Variants in FGF10 observed in about 807,000 individuals in gnomAD.
FGF10 encodes the protein fibroblast growth factor 10, also known as FGF-10.
Under a neutral mutation model 19.8 loss-of-function variants are expected in FGF10, and 2 were observed. The ratio of observed to expected loss-of-function variants is 0.10; its 90% confidence interval spans 0.04 to 0.32. The LOEUF is 0.32. Ranked by LOEUF, FGF10 falls within the 10% of genes least tolerant of loss-of-function variation. FGF10 has a pLI of 1.00. For synonymous variants in FGF10, 112 were observed against 94.0 expected, an observed-to-expected ratio of 1.19 and a Z score of -1.10; for missense variants, 191 against 246.3, an observed-to-expected ratio of 0.78 and a Z score of 1.50.
chr5:44,345,725 C>T (rs190694363), intron 1 of FGF10, among the ~76,000 whole-genome samples: 13 of 151,732 alleles, frequency 8.6e-5, no homozygotes, highest in African/African-American at 2.2e-4. Context: ...CATCTTACCC[C>T]TCCTTGCATG....
chr5:44,330,787 C>T (rs113901202), intron 1 of FGF10, among the ~76,000 whole-genome samples: 2,631 of 152,218 alleles, frequency 0.017, 49 homozygotes, highest in South Asian at 0.082. Flanking sequence ...TATAAAGCCT[C>T]ATCTGTCTCT....
At chr5:44,387,742 C>T (rs1249529065) in intron 1 of FGF10, among the ~76,000 whole-genome samples, 1 of 143,920 alleles carries the variant, frequency 6.9e-6, no homozygotes, top group Non-Finnish European at 1.5e-5. Context: ...ATAAGGGACC[C>T]AAAACAAAAC....
intron 1 of FGF10, among the ~76,000 whole-genome samples, chr5:44,325,921 A>T (rs1394534941): frequency 2.6e-5 from 4 of 152,210 alleles, no homozygotes; most frequent in East Asian, 1.9e-4. Context: ...CTATATTTCA[A>T]CAAAATAGAC....
At chr5:44,375,677 C>T (rs1425848375) in intron 1 of FGF10, among the ~76,000 whole-genome samples, 1 of 151,980 alleles carries the variant, frequency 6.6e-6, no homozygotes, top group Non-Finnish European at 1.5e-5. Flanking sequence ...TGGATTTGTG[C>T]CTTACATAGA....
At position 44,301,819 on chromosome 5, in the gene FGF10, G is replaced by A. The variant is rs901515668; in HGVS notation, c.*3176C>T. The stretch of plus-strand genomic sequence containing the variant: ...GAGCTTCTCTCTTTATTACCAGGTA[G>A]AGTTTCTGACTAATAAAACAAACAA... On this transcript the variant is annotated 3_prime_UTR_variant, in exon 3 of 3. Transcript: ENST00000264664. 5.3e-5 allele frequency among the ~76,000 whole-genome samples: 8 copies of A among 152,070 alleles called. No individual in the cohort carries two copies. The highest frequency in any genetic ancestry group is 7.4e-5 in the Non-Finnish European group (5 of 68,008).
chr5:44,309,323 A>G (rs1467381840), intron 2 of FGF10, among the ~76,000 whole-genome samples: 1 of 152,172 alleles, frequency 6.6e-6, no homozygotes, highest in African/African-American at 2.4e-5. Context: ...GAGGGACACA[A>G]TAAGATGGAT....
intron 1 of FGF10, among the ~76,000 whole-genome samples, chr5:44,380,716 C>T (rs1209144619): frequency 1.3e-5 from 2 of 152,166 alleles, no homozygotes; most frequent in East Asian, 3.9e-4. Context: ...TATGGTGGCT[C>T]ACACCCGTAA....
intron 2 of FGF10, 125 bp from the exon 3 acceptor site, chr5:44,305,317 G>T: frequency 1.3e-6 from 1 of 786,040 alleles, no homozygotes; most frequent in Non-Finnish European, 2.2e-6. Context: ...CCTAAGTTGT[G>T]CACTTAATAC....
chr5:44,367,342 C>G (rs527779495), intron 1 of FGF10, among the ~76,000 whole-genome samples: 1 of 152,060 alleles, frequency 6.6e-6, no homozygotes, highest in Admixed American at 6.6e-5. Context: ...TGTAGGCAAA[C>G]TTTGTCAAGA....
intron 1 of FGF10, among the ~76,000 whole-genome samples, chr5:44,312,766 T>G (rs774162272): frequency 6.6e-6 from 1 of 152,092 alleles, no homozygotes; most frequent in South Asian, 2.1e-4. Context: ...TGTATACTTT[T>G]GAAACTGAAA....
At chr5:44,327,800 A>T (rs1740647070) in intron 1 of FGF10, among the ~76,000 whole-genome samples, 1 of 152,202 alleles carries the variant, frequency 6.6e-6, no homozygotes, top group African/African-American at 2.4e-5. Context: ...GGAAGCACAC[A>T]ACCATTTCAC....
intron 1 of FGF10, among the ~76,000 whole-genome samples, chr5:44,351,805 T>C (rs1437434862): frequency 2.0e-5 from 3 of 151,644 alleles, no homozygotes; most frequent in Non-Finnish European, 3.0e-5. Context: ...GTGTAATAAT[T>C]TTTGCCAAAA....
In FGF10 at chr5:44,349,364, G is replaced by T. The variant is rs1209159174; in HGVS notation, c.326-38834C>A. Among the ~76,000 whole-genome samples, 26 of 134,328 alleles carry T rather than the reference G, an allele frequency of 1.9e-4. 1 individual carries two copies. Among genetic ancestry groups the T allele is most frequent in the Middle Eastern group, 4.1e-3 (1 of 244 alleles). The allele number at this position is 134,328 out of a possible 152,430, so 88.1% of individuals were successfully genotyped here. Reference sequence around the variant, plus strand: ...CCACTTTACAAATTAAGGTCTTTGTGGTCTTAATACTTTTAACAATGATAA... The same window carrying T: ...CCACTTTACAAATTAAGGTCTTTGTTGTCTTAATACTTTTAACAATGATAA... On this transcript the variant is annotated intron_variant, in intron 1 of 2. Transcript: ENST00000264664.
chr5:44,375,408 A>T (rs1324581887), intron 1 of FGF10, among the ~76,000 whole-genome samples: 1 of 152,142 alleles, frequency 6.6e-6, no homozygotes, highest in Non-Finnish European at 1.5e-5. Context: ...GAAAGAGGGC[A>T]GGGACATCAT....
intron 2 of FGF10, among the ~76,000 whole-genome samples, chr5:44,309,905 TA>T (rs1038311738): frequency 3.3e-5 from 5 of 152,108 alleles, no homozygotes; most frequent in Non-Finnish European, 2.9e-5. Context: ...TTTTGAGGCA[TA>T]ATTTGAATTA....
At position 44,318,522 on chromosome 5, in the gene FGF10, A is replaced by T. The variant is rs13436788; in HGVS notation, c.326-7992T>A. Among the ~76,000 whole-genome samples, 3 of 152,138 alleles carry T rather than the reference A, an allele frequency of 2.0e-5. No individual in the cohort carries two copies. In the South Asian group the frequency reaches 6.2e-4, roughly 32 times the overall value. On this transcript the variant is annotated intron_variant, in intron 1 of 2. Coordinates refer to ENST00000264664, the MANE Select transcript of FGF10 (RefSeq NM_004465.2). ...CATTTCATATTTTAAGGAAAATCCC[A>T]AGGGAATCTTTGTGTGGTTTGTGTC...
At chr5:44,326,920 A>T (rs970257881) in intron 1 of FGF10, among the ~76,000 whole-genome samples, 1 of 152,168 alleles carries the variant, frequency 6.6e-6, no homozygotes, top group Admixed American at 6.5e-5. Flanking sequence ...TCAATTCTCA[A>T]GTTGAAAGGG....
intron 1 of FGF10, among the ~76,000 whole-genome samples, chr5:44,384,031 G>T (rs1435316924): frequency 1.3e-5 from 2 of 151,830 alleles, no homozygotes; most frequent in Admixed American, 6.6e-5. Flanking sequence ...TTTTTGATTT[G>T]CAGGTTTATT....
chr5:44,351,501 T>G (rs1741232583), intron 1 of FGF10, among the ~76,000 whole-genome samples: 1 of 151,618 alleles, frequency 6.6e-6, no homozygotes, highest in Non-Finnish European at 1.5e-5. Context: ...CTCTGACGAT[T>G]TGAGAACTAT....
Sources: gnomAD v4.1 joint callset for allele counts (sites outside exome capture counted in the v4.1 genomes callset) on GRCh38, gnomAD v4.1.1 for gene constraint, MANE v1.5 for transcripts, NCBI Gene and HGNC (gene_info 2026-07-23, HGNC 2026-07-21) for gene names.